SGK3: variants seen among roughly 807,000 people sequenced by gnomAD.
SGK3 encodes serum/glucocorticoid regulated kinase family member 3, also known as serine/threonine-protein kinase Sgk3.
A neutral mutation model predicts 68.5 loss-of-function variants in SGK3; 47 were observed. The observed-to-expected ratio is 0.69, with a 90% confidence interval of 0.54 to 0.87. The LOEUF is 0.87. Among genes scored for constraint, SGK3 ranks in the 40% least tolerant of loss-of-function variants. The probability of loss-of-function intolerance (pLI) is 0.00; values close to 1 mark genes in which losing one functional copy is unlikely to be tolerated. For synonymous variants in SGK3, 181 were observed against 189.1 expected (o/e 0.96, Z 0.35); for missense variants, 479 against 575.5 (o/e 0.83, Z 1.72).
At chr8:66,798,396 T>A in intron 2 of SGK3, 146 bp from the exon 3 acceptor site, 2 of 565,140 alleles carry the variant, frequency 3.5e-6, no homozygotes, top group Non-Finnish European at 6.1e-6. Context: ...AATATCAGTT[T>A]CGGAATATGA....
chr8:66,761,584 A>G (rs1322806674), intron 1 of SGK3, among the ~76,000 whole-genome samples: 1 of 152,178 alleles, frequency 6.6e-6, no homozygotes, highest in African/African-American at 2.4e-5. Context: ...CCCTAGCCAA[A>G]ATGGCAAAAC....
intron 5 of SGK3, among the ~76,000 whole-genome samples, chr8:66,820,655 TTTTACA>T (rs1808772993): frequency 6.6e-6 from 1 of 152,232 alleles, no homozygotes; most frequent in African/African-American, 2.4e-5. Context: ...GGCTGTACCA[TTTTACA>T]TTTACACCAG....
At chr8:66,766,473 C>T (rs140347270) in intron 1 of SGK3, among the ~76,000 whole-genome samples, 209 of 152,004 alleles carry the variant, frequency 1.4e-3, no homozygotes, top group African/African-American at 4.6e-3. Context: ...TGCAGTGAGC[C>T]GAGATTGCAA....
intron 1 of SGK3, among the ~76,000 whole-genome samples, chr8:66,719,580 A>G (rs906526173): frequency 2.0e-5 from 3 of 152,056 alleles, no homozygotes; most frequent in African/African-American, 7.2e-5. Flanking sequence ...CTGCCTCCCA[A>G]AGTGCTGGAA....
At chr8:66,839,087 GA>G (rs920670109) in intron 10 of SGK3, among the ~76,000 whole-genome samples, 7 of 151,930 alleles carry the variant, frequency 4.6e-5, no homozygotes, top group Non-Finnish European at 8.8e-5. Flanking sequence ...GGTATTTGGA[GA>G]AAAAATAACA....
chr8:66,850,545 C>T (rs1810238436), intron 15 of SGK3, among the ~76,000 whole-genome samples: 1 of 152,198 alleles, frequency 6.6e-6, no homozygotes, highest in Admixed American at 6.5e-5. Context: ...AAACATACTT[C>T]CCCTGAAGTA....
intron 2 of SGK3, among the ~76,000 whole-genome samples, chr8:66,797,548 C>G (rs1807750712): frequency 6.6e-6 from 1 of 152,066 alleles, no homozygotes. Context: ...AATATTTGTT[C>G]TGCTTACTTC....
At chr8:66,804,552 C>A in intron 4 of SGK3, 105 bp downstream of exon 4, 2 of 1,166,972 alleles carry the variant, frequency 1.7e-6, no homozygotes, top group Non-Finnish European at 2.4e-6. Flanking sequence ...TTTAAAAGAT[C>A]TTATGCTCTG....
At chr8:66,839,533 A>ATG (rs1367048314) in intron 10 of SGK3, among the ~76,000 whole-genome samples, 9 of 87,902 alleles carry the variant, frequency 1.0e-4, no homozygotes, top group African/African-American at 4.5e-4. Flanking sequence ...ATATATATAT[A>ATG]TATATATATA....
At chr8:66,750,193 G>A (rs1005287978) in intron 1 of SGK3, among the ~76,000 whole-genome samples, 10 of 151,988 alleles carry the variant, frequency 6.6e-5, no homozygotes, top group African/African-American at 1.9e-4. Context: ...TCAACTTTGC[G>A]ATTAGTGTTT....
chr8:66,814,018 A>T, intron 5 of SGK3, 90 bp downstream of exon 5: 2 of 1,085,118 alleles, frequency 1.8e-6, no homozygotes, highest in Non-Finnish European at 1.3e-6. Context: ...TTGTTCTATG[A>T]AATGTTACTG....
intron 10 of SGK3, among the ~76,000 whole-genome samples, chr8:66,836,482 C>T (rs1383677081): frequency 1.3e-5 from 2 of 151,962 alleles, no homozygotes; most frequent in African/African-American, 2.4e-5. Context: ...TAATAAGGGG[C>T]TCTGTGGTGG....
In SGK3 at chr8:66,860,787, A is replaced by G. The variant is rs1171346770; in HGVS notation, c.*1206A>G. On this transcript the variant is annotated 3_prime_UTR_variant, in exon 17 of 17. Transcript: ENST00000521198. Reference sequence around the variant, plus strand: ...CTCTTTTCCTAACTGGTTAAGTAAAATAAAAAATTGAGCTTTCTAGAATAT... The same window carrying G: ...CTCTTTTCCTAACTGGTTAAGTAAAGTAAAAAATTGAGCTTTCTAGAATAT... 6.6e-6 allele frequency: 1 copy of G among 152,194 alleles called. No homozygotes were observed. Among genetic ancestry groups the G allele is most frequent in the African/African-American group, 2.4e-5 (1 of 41,448 alleles). The allele number at this position is 152,194 out of a possible 1,614,324, so 9.4% of individuals were successfully genotyped here. A position where few individuals can be genotyped will look rare whatever the true frequency, so the allele number is the denominator to read the frequency against.
chr8:66,789,123 G>GAAAA (rs35284393), intron 1 of SGK3, among the ~76,000 whole-genome samples: 212 of 126,618 alleles, frequency 1.7e-3, no homozygotes, highest in African/African-American at 5.0e-3. Flanking sequence ...ATTTTATTCA[G>GAAAA]AAAAAAAAAA....
chr8:66,834,777 CA>C (rs888294185), intron 8 of SGK3, among the ~76,000 whole-genome samples: 2 of 149,580 alleles, frequency 1.3e-5, no homozygotes, highest in Admixed American at 6.7e-5. Context: ...ACTAAAAATA[CA>C]AAAAAAAATA....
In SGK3 at chr8:66,761,034, G is replaced by A. The variant is rs1401616948; in HGVS notation, c.-121-32582G>A. ...CTCTGTCTCAAAAAAAAAAAAAAAG[G>A]AAATGTACTCAAAGGTCAAGATTGA... On this transcript the variant is annotated intron_variant, in intron 1 of 16. Coordinates refer to ENST00000521198, the MANE Select transcript of SGK3 (RefSeq NM_001033578.3). Among the ~76,000 whole-genome samples the A allele has an allele frequency of 1.1e-4, 16 of 151,498 alleles. 1 individual carries two copies. In the East Asian group the frequency reaches 2.5e-3, roughly 24 times the overall value.
chr8:66,839,537 A>ATATATATATATATATG (rs1809699033), intron 10 of SGK3, among the ~76,000 whole-genome samples: 2 of 76,090 alleles, frequency 2.6e-5, no homozygotes, highest in Non-Finnish European at 5.2e-5. Context: ...ATATATATAT[A>ATATATATATATATATG]TATATATATA....
chr8:66,764,459 C>T (rs976530051), intron 1 of SGK3, among the ~76,000 whole-genome samples: 6 of 151,822 alleles, frequency 4.0e-5, no homozygotes, highest in Admixed American at 2.0e-4. Flanking sequence ...TTAATTTGTA[C>T]ATTATCTTTT....
At chr8:66,722,124 A>G (rs560930017) in intron 1 of SGK3, among the ~76,000 whole-genome samples, 8 of 152,302 alleles carry the variant, frequency 5.3e-5, no homozygotes, top group African/African-American at 1.7e-4. Context: ...AACTGACTGC[A>G]TACCAACTTC....
Sources: gnomAD v4.1 joint callset for allele counts (sites outside exome capture counted in the v4.1 genomes callset) on GRCh38, gnomAD v4.1.1 for gene constraint, MANE v1.5 for transcripts, NCBI Gene and HGNC (gene_info 2026-07-23, HGNC 2026-07-21) for gene names.